PDE7B: variants seen among roughly 807,000 people sequenced by gnomAD.
PDE7B encodes 3',5'-cyclic-AMP phosphodiesterase 7B.
A neutral mutation model predicts 56.2 loss-of-function variants in PDE7B; 29 were observed. The ratio of observed to expected loss-of-function variants is 0.52; its 90% CI spans 0.38 to 0.70. PDE7B has a LOEUF of 0.70. Among genes scored for constraint, PDE7B ranks in the 30% least tolerant of loss-of-function variants. PDE7B has a pLI of 0.00. For missense variants in PDE7B, 490 were observed against 565.0 expected, an observed-to-expected ratio of 0.87 and a Z score of 1.35; for synonymous variants, 197 against 196.9, an observed-to-expected ratio of 1.00 and a Z score of 0.00.
intron 3 of PDE7B, 42 bp downstream of exon 3, chr6:136,108,856 T>C: frequency 8.2e-7 from 1 of 1,223,426 alleles, no homozygotes; most frequent in Non-Finnish European, 1.2e-6. Context: ...AACGTTTTCT[T>C]CAAAAAGAAA....
intron 3 of PDE7B, chr6:136,114,813 T>C (rs1196705169): frequency 6.6e-6 from 1 of 152,166 alleles, no homozygotes. Flanking sequence ...CAAAGTTCAA[T>C]ATTTACCTTC....
intron 9 of PDE7B, 129 bp downstream of exon 9, chr6:136,174,017 A>T: frequency 1.5e-6 from 1 of 679,436 alleles, no homozygotes; most frequent in Non-Finnish European, 2.6e-6. Context: ...GCCTGCACTG[A>T]GCTGTCTATC....
intron 1 of PDE7B, among the ~76,000 whole-genome samples, chr6:135,907,346 T>G (rs757872867): frequency 4.6e-5 from 7 of 152,118 alleles, no homozygotes; most frequent in Non-Finnish European, 7.3e-5. Flanking sequence ...ACCAGTAAAA[T>G]TGTGCCTTTC....
chr6:135,987,898 C>T, intron 2 of PDE7B, among the ~76,000 whole-genome samples: 1 of 152,124 alleles, frequency 6.6e-6, no homozygotes, highest in Non-Finnish European at 1.5e-5. Flanking sequence ...AATACCAACA[C>T]ACTGGAGGTT....
At chr6:136,095,040 T>C (rs1777450535) in intron 2 of PDE7B, among the ~76,000 whole-genome samples, 2 of 152,196 alleles carry the variant, frequency 1.3e-5, no homozygotes, top group Non-Finnish European at 2.9e-5. Context: ...ACACGTTTCA[T>C]AGATGAATGT....
chr6:136,080,720 A>G (rs985774300), intron 2 of PDE7B, among the ~76,000 whole-genome samples: 3 of 152,200 alleles, frequency 2.0e-5, no homozygotes, highest in Admixed American at 6.5e-5. Flanking sequence ...TATTTGCTCA[A>G]TAAACATTAA....
chr6:136,137,284 A>G (rs572783322), intron 3 of PDE7B, among the ~76,000 whole-genome samples: 1 of 152,238 alleles, frequency 6.6e-6, no homozygotes, highest in East Asian at 1.9e-4. Flanking sequence ...AAAAATTCCT[A>G]TAAAAGGAAG....
At chr6:135,914,232 A>G (rs1228569275) in intron 1 of PDE7B, among the ~76,000 whole-genome samples, 1 of 152,180 alleles carries the variant, frequency 6.6e-6, no homozygotes, top group Non-Finnish European at 1.5e-5. Context: ...TAATTTATAT[A>G]CATTAACATT....
intron 3 of PDE7B, among the ~76,000 whole-genome samples, chr6:136,141,200 C>G (rs1194111719): frequency 6.6e-6 from 1 of 152,104 alleles, no homozygotes; most frequent in Admixed American, 6.5e-5. Context: ...TGTCAAAGGC[C>G]TTTTCTGCGT....
chr6:136,058,989 A>G (rs1776787924), intron 2 of PDE7B, among the ~76,000 whole-genome samples: 1 of 152,168 alleles, frequency 6.6e-6, no homozygotes, highest in African/African-American at 2.4e-5. Context: ...AAATACACAT[A>G]ATCCATGATT....
Position 135,911,449 on chromosome 6 carries a change from T to G in PDE7B, c.22-36015T>G, listed in dbSNP as rs144579797. The stretch of plus-strand genomic sequence containing the variant: ...TTTTCTCAACACTCAACAAATAGTT[T>G]GTCCATCTTTGAACAAACTTTTAAA... On this transcript the variant is annotated intron_variant, in intron 1 of 12. Coordinates refer to ENST00000308191, the MANE Select transcript of PDE7B (RefSeq NM_018945.4). Among the ~76,000 whole-genome samples the G allele has an allele frequency of 1.0e-3, 152 of 152,346 alleles. 3 individuals are homozygous for G. The East Asian group carries it at 0.026, about 26-fold the overall frequency.
chr6:135,853,016 C>T (rs1265641740), intron 1 of PDE7B, among the ~76,000 whole-genome samples: 1 of 152,070 alleles, frequency 6.6e-6, no homozygotes, highest in Non-Finnish European at 1.5e-5. Context: ...AAGGAGGATC[C>T]CTGCTAAAAA....
At chr6:136,048,109 CAGAT>C (rs1554276078) in intron 2 of PDE7B, among the ~76,000 whole-genome samples, 59 of 132,082 alleles carry the variant, frequency 4.5e-4, no homozygotes, top group Middle Eastern at 3.8e-3. Context: ...GACAGACAGA[CAGAT>C]AGATAGATGT....
chr6:135,937,948 G>T lies in PDE7B; in HGVS notation c.22-9516G>T, dbSNP rs368364172. Among the ~76,000 whole-genome samples, 15 of 152,306 alleles carry T rather than the reference G, an allele frequency of 9.8e-5. 1 individual carries two copies. Among genetic ancestry groups the T allele is most frequent in the East Asian group, 5.8e-4 (3 of 5,182 alleles). Reference sequence around the variant, plus strand: ...CTACCTTCTTCCTTCCGCAAAACCAGATACACAGCAGGCCCCATTATGGTT... The same window carrying T: ...CTACCTTCTTCCTTCCGCAAAACCATATACACAGCAGGCCCCATTATGGTT... On this transcript the variant is annotated intron_variant, in intron 1 of 12. Coordinates refer to ENST00000308191, the MANE Select transcript of PDE7B (RefSeq NM_018945.4).
At chr6:136,127,574 G>A (rs1778044108) in intron 3 of PDE7B, among the ~76,000 whole-genome samples, 1 of 152,038 alleles carries the variant, frequency 6.6e-6, no homozygotes, top group Non-Finnish European at 1.5e-5. Flanking sequence ...TTCTCTTTTG[G>A]CTTAAAGTTG....
intron 1 of PDE7B, among the ~76,000 whole-genome samples, chr6:135,861,134 A>AT (rs1775137845): frequency 6.6e-6 from 1 of 151,910 alleles, no homozygotes; most frequent in Non-Finnish European, 1.5e-5. Context: ...TGTAGAAAGC[A>AT]TTTTAATTGT....
intron 2 of PDE7B, among the ~76,000 whole-genome samples, chr6:136,045,842 A>G (rs1776493750): frequency 6.6e-6 from 1 of 151,548 alleles, no homozygotes. Flanking sequence ...TCTTCCGTAA[A>G]GGTATCGAAA....
intron 1 of PDE7B, among the ~76,000 whole-genome samples, chr6:135,906,827 T>TTTTTTTTTTTGTTTTTTTTTTTTTG (rs1554265693): frequency 4.5e-5 from 6 of 133,454 alleles, no homozygotes; most frequent in Admixed American, 7.3e-5. Flanking sequence ...TTTTTTTTTT[T>TTTTTTTTTTTGTTTTTTTTTTTTTG]TTTTTTTTTA....
At chr6:136,041,363 C>T (rs571137289) in intron 2 of PDE7B, among the ~76,000 whole-genome samples, 19 of 152,218 alleles carry the variant, frequency 1.2e-4, no homozygotes, top group African/African-American at 3.6e-4. Flanking sequence ...AATATGTGTT[C>T]GTGAGAGATT....
Sources: allele counts gnomAD v4.1 joint callset (sites outside exome capture counted in the v4.1 genomes callset), GRCh38; gene constraint gnomAD v4.1.1; transcripts MANE v1.5; gene names NCBI Gene and HGNC (gene_info 2026-07-23, HGNC 2026-07-21).